Variants in CSGALNACT1 observed in about 807,000 individuals in gnomAD.
The protein encoded by CSGALNACT1 is beta4GalNAcT-1.
Under a neutral mutation model 51.0 loss-of-function variants are expected in CSGALNACT1, and 52 were observed. That is an observed-to-expected ratio of 1.02 (90% CI 0.82 to 1.29). The LOEUF (loss-of-function observed/expected upper bound fraction) is 1.29. Among genes scored for constraint, CSGALNACT1 ranks in the 50% most tolerant of loss-of-function variants. The probability of loss-of-function intolerance (pLI) is 0.00; values close to 1 mark genes in which losing one functional copy is unlikely to be tolerated. For synonymous variants in CSGALNACT1, 341 were observed against 254.4 expected (o/e 1.34, Z -3.24); for missense variants, 935 against 679.2 (o/e 1.38, Z -4.19).
chr8:19,634,576 C>G (rs2055755582), intron 1 of CSGALNACT1, among the ~76,000 whole-genome samples: 1 of 152,166 alleles, frequency 6.6e-6, no homozygotes, highest in Admixed American at 6.5e-5. Context: ...ATGGGTGGAT[C>G]ACTTGAGCCC....
intron 6 of CSGALNACT1, among the ~76,000 whole-genome samples, chr8:19,432,622 GT>G (rs112535123): frequency 0.023 from 3,498 of 151,686 alleles, 147 homozygotes; most frequent in African/African-American, 0.08. Context: ...TCTTTTTTCT[GT>G]TTTTTTCTGA....
chr8:19,603,578 C>T (rs2050897356), upstream of CSGALNACT1, among the ~76,000 whole-genome samples: 1 of 152,212 alleles, frequency 6.6e-6, no homozygotes, highest in Non-Finnish European at 1.5e-5. Context: ...TGTTTTCTGT[C>T]CCCGACAACA....
intron 5 of CSGALNACT1, among the ~76,000 whole-genome samples, chr8:19,444,268 A>G (rs900835321): frequency 6.6e-6 from 1 of 152,222 alleles, no homozygotes; most frequent in Non-Finnish European, 1.5e-5. Context: ...TGTAAATGCT[A>G]TGTAAAGTGT....
intron 3 of CSGALNACT1, among the ~76,000 whole-genome samples, chr8:19,518,270 C>G (rs1268072913): frequency 6.6e-6 from 1 of 152,068 alleles, no homozygotes. Context: ...AAAAGTGGAG[C>G]CCCAGACATA....
chr8:19,406,621 C>T (rs1206388409), intron 9 of CSGALNACT1, among the ~76,000 whole-genome samples: 34 of 58,680 alleles, frequency 5.8e-4, no homozygotes, highest in Non-Finnish European at 1.0e-3. Flanking sequence ...ATAGAGGTTT[C>T]GTAAAAAAAA....
At chr8:19,422,729 C>A (rs2058140939) in intron 6 of CSGALNACT1, among the ~76,000 whole-genome samples, 1 of 152,170 alleles carries the variant, frequency 6.6e-6, no homozygotes, top group Admixed American at 6.5e-5. Context: ...ACTGCGAGCA[C>A]CTTCATGTCT....
chr8:19,685,545 A>C (rs568196924), upstream of CSGALNACT1, among the ~76,000 whole-genome samples: 1 of 152,208 alleles, frequency 6.6e-6, no homozygotes, highest in Non-Finnish European at 1.5e-5. Flanking sequence ...GGATGCTCCT[A>C]ATTAGCATTA....
intron 1 of CSGALNACT1, among the ~76,000 whole-genome samples, chr8:19,738,882 C>CA (rs2064144141): frequency 6.6e-6 from 1 of 151,954 alleles, no homozygotes; most frequent in African/African-American, 2.4e-5. Context: ...ATAGAAGACA[C>CA]AAAACAAGTA....
chr8:19,599,453 G>GAAAGAAATA (rs1564209841), intron 2 of CSGALNACT1, among the ~76,000 whole-genome samples: 1 of 68,210 alleles, frequency 1.5e-5, no homozygotes, highest in African/African-American at 6.4e-5. Flanking sequence ...AAAAGAAAAA[G>GAAAGAAATA]AAAAGAAAGA....
At chr8:19,669,463 T>C (rs2059622737) in intron 1 of CSGALNACT1, among the ~76,000 whole-genome samples, 1 of 152,238 alleles carries the variant, frequency 6.6e-6, no homozygotes, top group Non-Finnish European at 1.5e-5. Context: ...GTTTGGTTTT[T>C]ATTTTGGAGA....
At position 19,669,352 on chromosome 8, in the gene CSGALNACT1, G is replaced by C. The variant is rs192147932; in HGVS notation, c.-544+13121C>G. Among the ~76,000 whole-genome samples the C allele has an allele frequency of 1.3e-3, 198 of 152,282 alleles. 1 individual carries two copies. The South Asian group carries it at 0.014, about 11-fold the overall frequency. On this transcript the variant is annotated intron_variant, in intron 1 of 9. Coordinates refer to the CSGALNACT1 transcript ENST00000332246. Reference sequence around the variant, plus strand: ...TGCTTAATAAATTTCATCCCGAGATGGAGGACACTATCATAAAAACTACAA... The same window carrying C: ...TGCTTAATAAATTTCATCCCGAGATCGAGGACACTATCATAAAAACTACAA...
At chr8:19,630,938 G>C (rs1334338544) in intron 1 of CSGALNACT1, among the ~76,000 whole-genome samples, 1 of 152,060 alleles carries the variant, frequency 6.6e-6, no homozygotes, top group Non-Finnish European at 1.5e-5. Flanking sequence ...TGGTACATTT[G>C]TTACAACTGA....
chr8:19,601,667 A>G (rs1369060586), intron 2 of CSGALNACT1, 104 bp downstream of exon 2: 1 of 350,796 alleles, frequency 2.9e-6, no homozygotes, highest in African/African-American at 2.2e-5. Flanking sequence ...TAATCAAGCT[A>G]TTGACAGTAG....
At chr8:19,506,690 A>G (rs577951941) in intron 3 of CSGALNACT1, among the ~76,000 whole-genome samples, 2 of 152,282 alleles carry the variant, frequency 1.3e-5, no homozygotes, top group South Asian at 4.1e-4. Flanking sequence ...CTTAGCTCCC[A>G]TGAGAACTCC....
chr8:19,472,460 A>G (rs1340214896), intron 4 of CSGALNACT1, among the ~76,000 whole-genome samples: 2 of 152,224 alleles, frequency 1.3e-5, no homozygotes, highest in Non-Finnish European at 2.9e-5. Context: ...ACTCACGTCC[A>G]TTTTTCAAAC....
intron 1 of CSGALNACT1, among the ~76,000 whole-genome samples, chr8:19,649,482 G>T (rs140765275): frequency 2.0e-5 from 3 of 152,058 alleles, no homozygotes; most frequent in Non-Finnish European, 4.4e-5. Flanking sequence ...CAACATGAAT[G>T]CTGCTGTATA....
intron 1 of CSGALNACT1, among the ~76,000 whole-genome samples, chr8:19,631,682 T>C (rs1735656022): frequency 6.6e-6 from 1 of 152,200 alleles, no homozygotes; most frequent in African/African-American, 2.4e-5. Context: ...CAAAATGAAC[T>C]TTTTTAGTAC....
At chr8:19,502,036 T>C (rs996490627) in intron 4 of CSGALNACT1, among the ~76,000 whole-genome samples, 2 of 152,218 alleles carry the variant, frequency 1.3e-5, no homozygotes, top group Admixed American at 6.5e-5. Flanking sequence ...ATGAAATCAA[T>C]ATAGATAAAT....
chr8:19,426,525 T>A (rs1293899704), intron 6 of CSGALNACT1, among the ~76,000 whole-genome samples: 1 of 152,218 alleles, frequency 6.6e-6, no homozygotes, highest in Non-Finnish European at 1.5e-5. Context: ...GGGCACTACA[T>A]TTTATATTAC....
Sources: gnomAD v4.1 joint callset for allele counts (sites outside exome capture counted in the v4.1 genomes callset) on GRCh38, gnomAD v4.1.1 for gene constraint, MANE v1.5 for transcripts, NCBI Gene and HGNC (gene_info 2026-07-23, HGNC 2026-07-21) for gene names.